Variants in ZNF618 observed in about 807,000 individuals in gnomAD.
The protein encoded by ZNF618 is zinc finger protein 618, also known as neural precursor cell expressed, developmentally down-regulated 10.
ZNF618 carries 34 observed loss-of-function variants against 103.0 expected under a neutral mutation model. The ratio of observed to expected loss-of-function variants is 0.33; its 90% CI spans 0.25 to 0.44. The LOEUF is 0.44. ZNF618 is among the 20% of genes least tolerant of loss of function. The pLI is 1.00. For synonymous variants in ZNF618, 551 were observed against 542.2 expected (o/e 1.02, Z -0.23); for missense variants, 1,059 against 1,295.4 (o/e 0.82, Z 2.80).
intron 13 of ZNF618, among the ~76,000 whole-genome samples, chr9:114,039,389 C>T (rs369302147): frequency 2.0e-5 from 3 of 150,772 alleles, no homozygotes; most frequent in East Asian, 3.9e-4. Flanking sequence ...ATCTGTCGCC[C>T]AGGCTGGAGT....
chr9:113,996,679 A>G (rs1201205696), intron 3 of ZNF618, among the ~76,000 whole-genome samples: 3 of 152,142 alleles, frequency 2.0e-5, no homozygotes, highest in African/African-American at 7.2e-5. Context: ...GGGAAGAGGA[A>G]AAGTCCGCTC....
At chr9:113,886,393 CAG>C (rs1829072745) in intron 1 of ZNF618, among the ~76,000 whole-genome samples, 1 of 152,044 alleles carries the variant, frequency 6.6e-6, no homozygotes, top group Non-Finnish European at 1.5e-5. Context: ...ATTTTGGACT[CAG>C]AGTTTTTGCA....
intron 10 of ZNF618, among the ~76,000 whole-genome samples, chr9:114,026,819 C>T (rs1398407893): frequency 2.0e-5 from 3 of 152,052 alleles, no homozygotes; most frequent in Non-Finnish European, 4.4e-5. Flanking sequence ...ATAAAGTCCC[C>T]GTGAGACTTG....
chr9:114,019,054 A>G (rs1842864035), intron 10 of ZNF618, among the ~76,000 whole-genome samples: 1 of 152,242 alleles, frequency 6.6e-6, no homozygotes, highest in African/African-American at 2.4e-5. Flanking sequence ...CCATAAGGAC[A>G]TAGACTGACT....
intron 1 of ZNF618, among the ~76,000 whole-genome samples, chr9:113,952,882 G>A (rs1835907981): frequency 6.6e-6 from 1 of 152,184 alleles, no homozygotes; most frequent in African/African-American, 2.4e-5. Flanking sequence ...AAACAGCAAG[G>A]CACATCTCAG....
intron 1 of ZNF618, among the ~76,000 whole-genome samples, chr9:113,884,774 C>CACAGAGAGAGAGAG (rs1205428615): frequency 2.1e-5 from 3 of 142,290 alleles, no homozygotes; most frequent in Admixed American, 7.0e-5. Flanking sequence ...CACAAACACA[C>CACAGAGAGAGAGAG]AGAGAGAGAG....
intron 1 of ZNF618, among the ~76,000 whole-genome samples, chr9:113,966,643 G>A (rs997267167): frequency 3.9e-5 from 6 of 152,122 alleles, no homozygotes; most frequent in Admixed American, 2.0e-4. Flanking sequence ...AGCTGGACTC[G>A]GCCAGGCCCA....
At position 114,046,702 on chromosome 9, in the gene ZNF618, A is replaced by G. The variant is rs60562588; in HGVS notation, c.1247-1191A>G. On this transcript the variant is annotated intron_variant, in intron 13 of 14. Coordinates refer to ENST00000374126, the MANE Select transcript of ZNF618 (RefSeq NM_001318042.2). ...TGGTAGATGCTCTTTATTAGGTTGG[A>G]AAACTTCCCTTCGATTCCTAGTTTA... Among the ~76,000 whole-genome samples the G allele has an allele frequency of 7.2e-3, 1,091 of 152,288 alleles. 7 individuals are homozygous for G. Among genetic ancestry groups the G allele is most frequent in the African/African-American group, 0.022 (929 of 41,552 alleles).
chr9:113,969,045 G>C, intron 1 of ZNF618, 72 bp from the exon 2 acceptor site: 1 of 1,561,164 alleles, frequency 6.4e-7, no homozygotes, highest in East Asian at 2.2e-5. Context: ...GTGGGAGCTT[G>C]ATGGGGTGGC....
intron 1 of ZNF618, among the ~76,000 whole-genome samples, chr9:113,950,640 T>A (rs1835476935): frequency 6.6e-6 from 1 of 152,196 alleles, no homozygotes; most frequent in Admixed American, 6.5e-5. Context: ...ACTCTGTGAA[T>A]AAGCCTTGGT....
chr9:113,913,127 G>A (rs16910517), intron 1 of ZNF618, among the ~76,000 whole-genome samples: 5,665 of 152,238 alleles, frequency 0.037, 109 homozygotes, highest in African/African-American at 0.056. Context: ...CCGCTGCCAC[G>A]TGTAAGAGCT....
chr9:113,951,451 GTATA>G (rs1243318022), intron 1 of ZNF618, among the ~76,000 whole-genome samples: 1 of 10,630 alleles, frequency 9.4e-5, no homozygotes, highest in African/African-American at 3.0e-4. Context: ...ACATATATGT[GTATA>G]TATACATATA....
At chr9:113,968,375 A>G (rs1036233038) in intron 1 of ZNF618, among the ~76,000 whole-genome samples, 3 of 152,216 alleles carry the variant, frequency 2.0e-5, no homozygotes, top group Non-Finnish European at 4.4e-5. Context: ...GATTCTTATT[A>G]GAAGTGTTTT....
At chr9:113,881,782 A>G (rs1281178780) in intron 1 of ZNF618, among the ~76,000 whole-genome samples, 1 of 152,206 alleles carries the variant, frequency 6.6e-6, no homozygotes, top group Non-Finnish European at 1.5e-5. Flanking sequence ...TTCAGCCTGT[A>G]GTGATGATGA....
intron 1 of ZNF618, among the ~76,000 whole-genome samples, chr9:113,907,082 A>G (rs1831052932): frequency 6.6e-6 from 1 of 152,226 alleles, no homozygotes; most frequent in African/African-American, 2.4e-5. Flanking sequence ...GTCCCAAGGA[A>G]GGCTCTCATT....
chr9:114,030,950 A>C (rs528990793), intron 11 of ZNF618: 2 of 152,292 alleles, frequency 1.3e-5, no homozygotes, highest in East Asian at 3.9e-4. Flanking sequence ...CAACGTACAC[A>C]AGGATGAAGA....
intron 1 of ZNF618, among the ~76,000 whole-genome samples, chr9:113,956,322 AT>A (rs1406665383): frequency 6.6e-6 from 1 of 151,956 alleles, no homozygotes; most frequent in African/African-American, 2.4e-5. Context: ...TTAGTAATCA[AT>A]CACAGCACTC....
chr9:113,902,114 G>A (rs1830611361), intron 1 of ZNF618, among the ~76,000 whole-genome samples: 1 of 152,024 alleles, frequency 6.6e-6, no homozygotes, highest in South Asian at 2.1e-4. Context: ...GCCTACGTGA[G>A]GGTGGAGAGT....
At chr9:113,968,311 A>G (rs889475823) in intron 1 of ZNF618, among the ~76,000 whole-genome samples, 1 of 152,222 alleles carries the variant, frequency 6.6e-6, no homozygotes, top group Non-Finnish European at 1.5e-5. Context: ...AATTGGAAAA[A>G]TTCTGAATTT....
Sources: gnomAD v4.1 joint callset for allele counts (sites outside exome capture counted in the v4.1 genomes callset) on GRCh38, gnomAD v4.1.1 for gene constraint, MANE v1.5 for transcripts, NCBI Gene and HGNC (gene_info 2026-07-23, HGNC 2026-07-21) for gene names.